MIPEP: variants seen among roughly 807,000 people sequenced by gnomAD.
MIPEP encodes the protein mitochondrial intermediate peptidase.
Under a neutral mutation model 90.3 loss-of-function variants are expected in MIPEP, and 79 were observed. That is an observed-to-expected ratio of 0.87 (90% CI 0.73 to 1.05). The LOEUF is 1.05. Among genes scored for constraint, MIPEP ranks in the 50% least tolerant of loss-of-function variants. The pLI, the probability that MIPEP is intolerant of heterozygous loss-of-function variation, is 0.00. For missense variants in MIPEP, 940 were observed against 905.6 expected (o/e 1.04, Z -0.49); for synonymous variants, 334 against 315.8 (o/e 1.06, Z -0.61).
intron 18 of MIPEP, among the ~76,000 whole-genome samples, chr13:23,746,227 T>C (rs995868908): frequency 6.7e-6 from 1 of 150,358 alleles, no homozygotes; most frequent in African/African-American, 2.4e-5. Flanking sequence ...TTGGCCAGGC[T>C]GGTCTTGAAC....
intron 15 of MIPEP, among the ~76,000 whole-genome samples, chr13:23,809,549 T>C (rs986427956): frequency 1.3e-5 from 2 of 152,076 alleles, no homozygotes; most frequent in Non-Finnish European, 2.9e-5. Flanking sequence ...TTCACCGTGT[T>C]GGTTAAGCTG....
chr13:23,781,176 C>T (rs565849658), intron 16 of MIPEP, among the ~76,000 whole-genome samples: 69 of 152,064 alleles, frequency 4.5e-4, no homozygotes, highest in Admixed American at 1.1e-3. Context: ...GTTGAAATGA[C>T]GGAAAAAATG....
Position 23,864,155 on chromosome 13 carries a change from G to T in MIPEP, c.978C>A (p.Asp326Glu). 6.4e-7 allele frequency: 1 copy of T among 1,560,822 alleles called. No individual in the cohort carries two copies. Among genetic ancestry groups the T allele is most frequent in the Non-Finnish European group, 8.7e-7 (1 of 1,149,404 alleles). Reference protein sequence around the residue: ...TVMQFLEKLSDKLSERTLKDF... With the variant: ...TVMQFLEKLSEKLSERTLKDF... ...TAAAAACTAACCTTTCAGAAAGTTT[G>T]TCAGATAGTTTTTCAAGGAACTGCA... Residue 326 changes from aspartate to glutamate, a missense_variant, in exon 8 of 19, where the codon GAC (aspartate) becomes GAA (glutamate). Physicochemically the swap from Asp to Glu is conservative, Grantham distance 45 (BLOSUM62 2). Transcript: ENST00000382172.
chr13:23,757,584 G>A (rs1952501162), intron 17 of MIPEP, among the ~76,000 whole-genome samples: 1 of 152,190 alleles, frequency 6.6e-6, no homozygotes, highest in Admixed American at 6.5e-5. Flanking sequence ...TGAAGGAAGA[G>A]AAGCTGGCAG....
At chr13:23,759,883 G>C (rs1952521889) in intron 17 of MIPEP, among the ~76,000 whole-genome samples, 1 of 152,172 alleles carries the variant, frequency 6.6e-6, no homozygotes, top group Non-Finnish European at 1.5e-5. Flanking sequence ...GCAGGGTAGG[G>C]GGATGTCCAG....
chr13:23,770,883 C>T (rs1952642431), intron 16 of MIPEP, among the ~76,000 whole-genome samples: 1 of 152,220 alleles, frequency 6.6e-6, no homozygotes, highest in Non-Finnish European at 1.5e-5. Flanking sequence ...GCCGTGGCAG[C>T]GAGGGCCTGC....
chr13:23,879,119 G>C, intron 4 of MIPEP, 149 bp downstream of exon 4: 1 of 646,390 alleles, frequency 1.5e-6, no homozygotes. Context: ...TTTGAGTGGA[G>C]TCCTAGAGAA....
At chr13:23,751,740 C>T (rs1231670014) in intron 18 of MIPEP, among the ~76,000 whole-genome samples, 2 of 152,112 alleles carry the variant, frequency 1.3e-5, no homozygotes, top group Non-Finnish European at 2.9e-5. Flanking sequence ...CCATGTCCTG[C>T]TTACATGGCT....
At position 23,786,645 on chromosome 13, in the gene MIPEP, G is replaced by GA. The variant is rs1299802592; in HGVS notation, c.1848+19304dup. Among the ~76,000 whole-genome samples the GA allele has an allele frequency of 3.9e-4, 29 of 73,874 alleles. No homozygotes were observed. In the East Asian group the frequency reaches 5.5e-3, roughly 14 times the overall value. The allele number at this position is 73,874 out of a possible 152,430, so 48.5% of individuals were successfully genotyped here. A position where few individuals can be genotyped will look rare whatever the true frequency, so the allele number is the denominator to read the frequency against. ...TCACTCCCCATATAGTTGGTAAAAA[G>GA]AAAAAAAAATAAGGAAAGAGTGACT... is the stretch of plus-strand genomic sequence containing the variant. On this transcript the variant is annotated intron_variant, in intron 16 of 18. Transcript: ENST00000382172.
chr13:23,847,704 C>A (rs1869612413), intron 10 of MIPEP, among the ~76,000 whole-genome samples: 1 of 152,078 alleles, frequency 6.6e-6, no homozygotes, highest in African/African-American at 2.4e-5. Flanking sequence ...CCAACTGTCA[C>A]AGAAGGGTAA....
chr13:23,817,953 A>G (rs1463520715), intron 14 of MIPEP, among the ~76,000 whole-genome samples: 2 of 152,224 alleles, frequency 1.3e-5, no homozygotes, highest in African/African-American at 4.8e-5. Flanking sequence ...AGGAAGTTAG[A>G]TAAGGAAAAA....
intron 14 of MIPEP, among the ~76,000 whole-genome samples, chr13:23,830,190 T>C (rs1242891131): frequency 6.6e-6 from 1 of 152,168 alleles, no homozygotes; most frequent in East Asian, 1.9e-4. Context: ...CCACGTGTGC[T>C]CCATGACAGG....
At chr13:23,815,665 G>A (rs992817698) in intron 14 of MIPEP, among the ~76,000 whole-genome samples, 16 of 151,866 alleles carry the variant, frequency 1.1e-4, no homozygotes, top group Admixed American at 9.2e-4. Flanking sequence ...CAAAATGTAC[G>A]CCTCCTCAAA....
intron 16 of MIPEP, among the ~76,000 whole-genome samples, chr13:23,802,802 C>T (rs1953059737): frequency 6.6e-6 from 1 of 152,118 alleles, no homozygotes; most frequent in South Asian, 2.1e-4. Flanking sequence ...ACTTTCAGTG[C>T]AGTATTCAAT....
At chr13:23,747,633 C>T (rs553473467) in intron 18 of MIPEP, 2 of 444,260 alleles carry the variant, frequency 4.5e-6, no homozygotes. Context: ...GATTAAAGAA[C>T]TTCACGAAAA....
intron 18 of MIPEP, among the ~76,000 whole-genome samples, chr13:23,756,125 C>T (rs545061159): frequency 1.3e-5 from 2 of 152,142 alleles, no homozygotes; most frequent in Non-Finnish European, 2.9e-5. Flanking sequence ...GAACACAATG[C>T]ACAGCTAAGA....
At chr13:23,823,006 C>A (rs1217191876) in intron 14 of MIPEP, among the ~76,000 whole-genome samples, 1 of 151,958 alleles carries the variant, frequency 6.6e-6, no homozygotes, top group Non-Finnish European at 1.5e-5. Context: ...AATCCTGAAC[C>A]CACTTCACAT....
At chr13:23,840,238 CCTT>C (rs1367671331) in intron 11 of MIPEP, among the ~76,000 whole-genome samples, 2 of 152,190 alleles carry the variant, frequency 1.3e-5, no homozygotes, top group Admixed American at 6.5e-5. Context: ...CTCCATCTTG[CCTT>C]CTTTGTTCTT....
chr13:23,842,244 T>C (rs1869328186), intron 10 of MIPEP: 1 of 152,152 alleles, frequency 6.6e-6, no homozygotes, highest in African/African-American at 2.4e-5. Context: ...CTTTTTAGGA[T>C]TACCAAAATA....
Sources: allele counts gnomAD v4.1 joint callset (sites outside exome capture counted in the v4.1 genomes callset), GRCh38; gene constraint gnomAD v4.1.1; transcripts MANE v1.5; gene names NCBI Gene and HGNC (gene_info 2026-07-23, HGNC 2026-07-21).